Variants in DMD observed in about 807,000 individuals in gnomAD.
DMD encodes dystrophin.
A neutral mutation model predicts 330.1 loss-of-function variants in DMD; 63 were observed. The observed-to-expected ratio is 0.19, with a 90% CI of 0.16 to 0.24. The LOEUF (loss-of-function observed/expected upper bound fraction) is 0.24. Among genes scored for constraint, DMD ranks in the 10% least tolerant of loss-of-function variants. DMD has a pLI of 1.00. For missense variants in DMD, 3,344 were observed against 2,684.1 expected, an observed-to-expected ratio of 1.25 and a Z score of -5.43; for synonymous variants, 1,223 against 959.8, an observed-to-expected ratio of 1.27 and a Z score of -5.07.
intron 68 of DMD, among the ~76,000 whole-genome samples, chrX:31,180,943 T>C (rs1264457564): frequency 8.9e-6 from 1 of 112,354 alleles, no homozygotes; most frequent in Non-Finnish European, 1.9e-5. Context: ...AAAAGAAATG[T>C]GAACAAGAAC....
At chrX:32,315,738 T>C (rs1355419535) in intron 41 of DMD, among the ~76,000 whole-genome samples, 1 of 111,022 alleles carries the variant, frequency 9.0e-6, no homozygotes, top group African/African-American at 3.3e-5. Context: ...GTGTCTACCA[T>C]AGATTATTAT....
Position 32,481,038 on chromosome X carries a change from T to C in DMD, c.2803+3881A>G, listed in dbSNP as rs766191492. 3.6e-5 allele frequency among the ~76,000 whole-genome samples: 4 copies of C among 110,688 alleles called. No individual in the cohort carries two copies. The Admixed American group carries it at 3.9e-4, about 11-fold the overall frequency. On this transcript the variant is annotated intron_variant, in intron 21 of 78. Coordinates refer to ENST00000357033, the MANE Select transcript of DMD (RefSeq NM_004006.3). ...TTTCCTGAACTGCAGCTAGAAGAGT[T>C]ACCTCACATCAAACTTTGTTTTAAT...
At chrX:32,032,542 C>T (rs965143435) in intron 44 of DMD, among the ~76,000 whole-genome samples, 3 of 111,472 alleles carry the variant, frequency 2.7e-5, no homozygotes, top group African/African-American at 6.5e-5. Flanking sequence ...ACATGGAAAG[C>T]GCTTAGATGT....
intron 1 of DMD, among the ~76,000 whole-genome samples, chrX:33,096,192 T>G (rs1190908919): frequency 2.7e-5 from 3 of 110,158 alleles, no homozygotes; most frequent in Non-Finnish European, 5.7e-5. Flanking sequence ...GCCAGGATGG[T>G]CTCGATCTCC....
chrX:31,871,637 TA>T (rs2093891404), intron 48 of DMD, among the ~76,000 whole-genome samples: 1 of 110,376 alleles, frequency 9.1e-6, no homozygotes, highest in Non-Finnish European at 1.9e-5. Flanking sequence ...GATTTGGAGC[TA>T]GGGGCGTGGC....
chrX:31,587,949 C>A (rs758955314), intron 55 of DMD, among the ~76,000 whole-genome samples: 2 of 111,209 alleles, frequency 1.8e-5, no homozygotes, highest in African/African-American at 6.5e-5. Context: ...AAAGCCTGGT[C>A]CCTCACCAGC....
chrX:33,251,934 T>C lies in DMD; in HGVS notation c.7+87325A>G, dbSNP rs761742423. On this transcript the variant is annotated intron_variant, in intron 1 of 17. Coordinates refer to the DMD transcript ENST00000288447. ...GTTGGGGATACCCTTAGAGCTACAA[T>C]AGTTTACATTTACTGAGGATTCAAA... Among the ~76,000 whole-genome samples, 34 of 112,518 alleles carry C rather than the reference T, an allele frequency of 3.0e-4. 1 individual carries two copies. The South Asian group carries it at 0.012, about 41-fold the overall frequency.
At chrX:32,802,523 G>A (rs1603429612) in intron 7 of DMD, among the ~76,000 whole-genome samples, 1 of 111,684 alleles carries the variant, frequency 9.0e-6, no homozygotes, top group African/African-American at 3.3e-5. Flanking sequence ...TTGAATAGGA[G>A]TGATGAGAGA....
chrX:32,154,663 G>C (rs928839622), intron 44 of DMD, among the ~76,000 whole-genome samples: 3 of 111,533 alleles, frequency 2.7e-5, no homozygotes, highest in African/African-American at 9.8e-5. Flanking sequence ...AAGCAAAGCA[G>C]GGTTTTATGA....
At chrX:32,481,745 G>A (rs1157866808) in intron 21 of DMD, among the ~76,000 whole-genome samples, 3 of 111,880 alleles carry the variant, frequency 2.7e-5, no homozygotes, top group African/African-American at 6.5e-5. Context: ...AGACGCCAAA[G>A]TAATTATAAT....
chrX:31,768,629 A>G (rs1164092096), intron 51 of DMD, among the ~76,000 whole-genome samples: 2 of 111,812 alleles, frequency 1.8e-5, no homozygotes, highest in Admixed American at 9.6e-5. Flanking sequence ...TATGTCAAAA[A>G]AGAAAACTGC....
At chrX:32,488,802 T>G (rs1157134978) in intron 20 of DMD, among the ~76,000 whole-genome samples, 1 of 111,427 alleles carries the variant, frequency 9.0e-6, no homozygotes, top group African/African-American at 3.3e-5. Flanking sequence ...AGTCATTGGT[T>G]TGTCTCCTAT....
chrX:31,244,422 G>GT (rs2048641404), intron 63 of DMD, among the ~76,000 whole-genome samples: 1 of 111,945 alleles, frequency 8.9e-6, no homozygotes, highest in South Asian at 3.7e-4. Flanking sequence ...TTATACATAA[G>GT]TAGCTTGTTG....
intron 55 of DMD, among the ~76,000 whole-genome samples, chrX:31,575,206 T>C (rs1166494665): frequency 8.9e-6 from 1 of 112,052 alleles, no homozygotes; most frequent in African/African-American, 3.2e-5. Flanking sequence ...GTTTTGTAGA[T>C]GTATAACAAA....
At chrX:32,910,587 G>A (rs779493828) in intron 2 of DMD, among the ~76,000 whole-genome samples, 60 of 109,970 alleles carry the variant, frequency 5.5e-4, no homozygotes, top group African/African-American at 1.9e-3. Flanking sequence ...GGTGCCCGCC[G>A]CCATGCCTGG....
intron 46 of DMD, among the ~76,000 whole-genome samples, chrX:31,930,337 C>A (rs1209164017): frequency 1.8e-5 from 2 of 111,065 alleles, no homozygotes; most frequent in African/African-American, 6.5e-5. Flanking sequence ...GCTCCCAGGA[C>A]ACAAATCTAG....
intron 7 of DMD, among the ~76,000 whole-genome samples, chrX:32,747,664 T>A (rs1224539041): frequency 1.8e-5 from 2 of 109,552 alleles, no homozygotes; most frequent in South Asian, 3.9e-4. Flanking sequence ...ATTTTTTTTT[T>A]AAGTATTTTT....
intron 19 of DMD, among the ~76,000 whole-genome samples, chrX:32,497,499 C>A (rs2043616900): frequency 8.9e-6 from 1 of 112,068 alleles, no homozygotes; most frequent in East Asian, 2.8e-4. Context: ...TATAGTATCT[C>A]CTCTAGAAAT....
chrX:31,795,188 C>A (rs887299219), intron 50 of DMD, among the ~76,000 whole-genome samples: 1 of 111,880 alleles, frequency 8.9e-6, no homozygotes, highest in Non-Finnish European at 1.9e-5. Context: ...TCACCTAAAT[C>A]TTCGATTCTA....
Sources: allele counts gnomAD v4.1 joint callset (sites outside exome capture counted in the v4.1 genomes callset), GRCh38; gene constraint gnomAD v4.1.1; transcripts MANE v1.5; gene names NCBI Gene and HGNC (gene_info 2026-07-23, HGNC 2026-07-21).